The following FER variants were observed in gnomAD, a reference collection of about 807,000 sequenced individuals.
FER encodes the protein tyrosine-protein kinase Fer.
In FER, 63 loss-of-function variants were observed where a neutral mutation model predicts 111.0. The ratio of observed to expected loss-of-function variants is 0.57; its 90% CI spans 0.46 to 0.70. The LOEUF is 0.70. FER is among the 30% of genes least tolerant of loss of function. The pLI is 0.00. For missense variants in FER, 914 were observed against 954.0 expected (o/e 0.96, Z 0.55); for synonymous variants, 327 against 313.9 (o/e 1.04, Z -0.44).
At chr5:108,825,886 A>G (rs1428370177) in intron 3 of FER, among the ~76,000 whole-genome samples, 4 of 152,298 alleles carry the variant, frequency 2.6e-5, no homozygotes, top group African/African-American at 9.6e-5. Flanking sequence ...TCTATTGTAG[A>G]CAGTCATACT....
intron 16 of FER, among the ~76,000 whole-genome samples, chr5:109,055,408 A>T (rs927521270): frequency 6.6e-6 from 1 of 152,224 alleles, no homozygotes; most frequent in Non-Finnish European, 1.5e-5. Flanking sequence ...CTTGCAAATC[A>T]TATACCTGAT....
intron 13 of FER, among the ~76,000 whole-genome samples, chr5:109,027,168 C>A (rs1206615530): frequency 1.3e-5 from 2 of 151,842 alleles, no homozygotes; most frequent in Admixed American, 6.6e-5. Context: ...TGGATGATTA[C>A]CACTATCCCT....
At chr5:108,811,057 C>T (rs917903645) in intron 3 of FER, among the ~76,000 whole-genome samples, 1 of 151,388 alleles carries the variant, frequency 6.6e-6, no homozygotes, top group Non-Finnish European at 1.5e-5. Flanking sequence ...TCTGCCTGGC[C>T]GTGGAATGGA....
chr5:109,175,663 C>A (rs115648645), intron 17 of FER, among the ~76,000 whole-genome samples: 1 of 152,152 alleles, frequency 6.6e-6, no homozygotes, highest in Admixed American at 6.5e-5. Context: ...GAAGAGACAA[C>A]CTGTAGAATG....
At chr5:108,807,045 C>A (rs968256642) in intron 3 of FER, among the ~76,000 whole-genome samples, 7 of 152,082 alleles carry the variant, frequency 4.6e-5, no homozygotes, top group Non-Finnish European at 1.0e-4. Flanking sequence ...GGGAGGAACC[C>A]CGTGGGAGGT....
intron 17 of FER, among the ~76,000 whole-genome samples, chr5:109,161,337 G>T (rs946891679): frequency 7.2e-5 from 11 of 152,138 alleles, no homozygotes; most frequent in Non-Finnish European, 1.6e-4. Context: ...GGGGTTTATT[G>T]TACACAGTAT....
Position 108,871,196 on chromosome 5 carries a change from T to C in FER, c.666-169T>C, listed in dbSNP as rs140873335. On this transcript the variant is annotated intron_variant, in intron 6 of 19. Transcript: ENST00000281092. The stretch of plus-strand genomic sequence containing the variant: ...TATAAATTGCTAATCTGTACATTTA[T>C]ATAATCCCTCTTCTTTACTCTCCAG... 2.0e-3 allele frequency among the ~76,000 whole-genome samples: 307 copies of C among 152,292 alleles called. 1 individual carries two copies. The highest frequency in any genetic ancestry group is 6.7e-3 in the African/African-American group (280 of 41,596).
intron 13 of FER, among the ~76,000 whole-genome samples, chr5:109,016,233 A>T (rs76324281): frequency 0.046 from 6,929 of 151,676 alleles, 249 homozygotes; most frequent in South Asian, 0.11. Context: ...GGAAGCATAC[A>T]ATATATTGTT....
chr5:108,823,534 A>C (rs975657876), intron 3 of FER, among the ~76,000 whole-genome samples: 1 of 152,148 alleles, frequency 6.6e-6, no homozygotes, highest in African/African-American at 2.4e-5. Context: ...GATTAGTGAT[A>C]CTGAGCACCT....
At chr5:108,858,793 C>A (rs1309530345) in intron 5 of FER, among the ~76,000 whole-genome samples, 1 of 138,500 alleles carries the variant, frequency 7.2e-6, no homozygotes, top group Non-Finnish European at 1.5e-5. Context: ...TTTCTGTCCT[C>A]ACAGTCTCTT....
At chr5:108,828,457 A>AAG (rs1759701384) in intron 3 of FER, among the ~76,000 whole-genome samples, 1 of 152,148 alleles carries the variant, frequency 6.6e-6, no homozygotes, top group African/African-American at 2.4e-5. Flanking sequence ...TTTTGTTGGT[A>AAG]TCCTGTGGAA....
At chr5:108,866,767 ACAGTT>A (rs1764111510) in intron 5 of FER, among the ~76,000 whole-genome samples, 2 of 152,156 alleles carry the variant, frequency 1.3e-5, no homozygotes, top group Non-Finnish European at 2.9e-5. Flanking sequence ...AATATCTTGA[ACAGTT>A]TATTTTCTGA....
chr5:108,970,455 C>T (rs920997766), intron 13 of FER, among the ~76,000 whole-genome samples: 1 of 152,028 alleles, frequency 6.6e-6, no homozygotes, highest in African/African-American at 2.4e-5. Flanking sequence ...CTCCTGACCT[C>T]ATGATCCATC....
intron 4 of FER, among the ~76,000 whole-genome samples, chr5:108,834,980 T>C (rs1166815965): frequency 6.6e-6 from 1 of 152,170 alleles, no homozygotes; most frequent in Non-Finnish European, 1.5e-5. Context: ...TTTGAAGATC[T>C]GTAGACAATA....
chr5:109,173,603 C>T (rs7718925), intron 17 of FER, among the ~76,000 whole-genome samples: 8,718 of 152,282 alleles, frequency 0.057, 326 homozygotes, highest in African/African-American at 0.086. Flanking sequence ...CTTCATGCCT[C>T]ACCCAGGCCT....
chr5:108,780,215 T>C (rs576971770), intron 2 of FER, among the ~76,000 whole-genome samples: 30 of 152,168 alleles, frequency 2.0e-4, no homozygotes, highest in Admixed American at 1.1e-3. Flanking sequence ...AGATCTCAAT[T>C]TCTGACCTCT....
intron 10 of FER, among the ~76,000 whole-genome samples, chr5:108,933,131 C>A (rs1006241167): frequency 1.3e-5 from 2 of 152,044 alleles, no homozygotes; most frequent in Admixed American, 1.3e-4. Context: ...GCTTTTGTTG[C>A]CATTGCTTTT....
intron 13 of FER, among the ~76,000 whole-genome samples, chr5:109,004,355 T>G (rs1006348266): frequency 7.2e-5 from 11 of 152,190 alleles, no homozygotes; most frequent in African/African-American, 2.4e-4. Context: ...TTTCAAAATA[T>G]TCATATCCTT....
At chr5:108,912,092 G>A (rs961900801) in intron 10 of FER, among the ~76,000 whole-genome samples, 2 of 152,036 alleles carry the variant, frequency 1.3e-5, no homozygotes, top group East Asian at 1.9e-4. Flanking sequence ...AGTGCCTTTC[G>A]CCTTCTGCCT....
Sources: allele counts gnomAD v4.1 joint callset (sites outside exome capture counted in the v4.1 genomes callset), GRCh38; gene constraint gnomAD v4.1.1; transcripts MANE v1.5; gene names NCBI Gene and HGNC (gene_info 2026-07-23, HGNC 2026-07-21).